FZD6: variants seen among roughly 807,000 people sequenced by gnomAD.
FZD6 encodes frizzled-6.
A neutral mutation model predicts 61.4 loss-of-function variants in FZD6; 49 were observed. That is an observed-to-expected ratio of 0.80 (90% CI 0.63 to 1.01). The LOEUF is 1.01. FZD6 is among the 50% of genes least tolerant of loss of function. FZD6 has a pLI of 0.00. For missense variants in FZD6, 724 were observed against 848.2 expected (o/e 0.85, Z 1.82); for synonymous variants, 265 against 292.2 (o/e 0.91, Z 0.95).
In FZD6 at chr8:103,302,601, G is replaced by T. The variant is rs188008545; in HGVS notation, c.177+2317G>T. On this transcript the variant is annotated intron_variant, in intron 2 of 6. Transcript: ENST00000358755. ...TGGACCATAATGTCATCTTTAACTG[G>T]TTTTTTTTTAGGCCCTTGTCCTGAT... Among the ~76,000 whole-genome samples the T allele has an allele frequency of 9.3e-5, 14 of 150,940 alleles. No individual in the cohort carries two copies. The East Asian group carries it at 2.7e-3, about 29-fold the overall frequency.
intron 2 of FZD6, among the ~76,000 whole-genome samples, chr8:103,310,398 C>T (rs996758673): frequency 2.0e-5 from 3 of 152,104 alleles, no homozygotes; most frequent in Non-Finnish European, 4.4e-5. Flanking sequence ...GCCCCGGAAG[C>T]AGCTGGGACT....
At chr8:103,317,777 G>A (rs2130308276) in intron 2 of FZD6, among the ~76,000 whole-genome samples, 1 of 149,594 alleles carries the variant, frequency 6.7e-6, no homozygotes, top group African/African-American at 2.5e-5. Context: ...GGTGAGCTGA[G>A]ATTATGCCAC....
chr8:103,330,950 G>A (rs1815102461), intron 6 of FZD6, among the ~76,000 whole-genome samples: 2 of 152,140 alleles, frequency 1.3e-5, no homozygotes, highest in Admixed American at 1.3e-4. Context: ...GGCCAAGGTG[G>A]GCAGATCACA....
chr8:103,330,953 A>G (rs1473051131), intron 6 of FZD6, among the ~76,000 whole-genome samples: 3 of 152,194 alleles, frequency 2.0e-5, no homozygotes, highest in Non-Finnish European at 4.4e-5. Flanking sequence ...CAAGGTGGGC[A>G]GATCACAAGG....
intron 2 of FZD6, among the ~76,000 whole-genome samples, chr8:103,311,219 T>C (rs1814487977): frequency 6.6e-6 from 1 of 152,210 alleles, no homozygotes; most frequent in Non-Finnish European, 1.5e-5. Flanking sequence ...CAAGGATTAC[T>C]GATCGCATTG....
At chr8:103,316,754 T>C (rs900772382) in intron 2 of FZD6, among the ~76,000 whole-genome samples, 17 of 152,216 alleles carry the variant, frequency 1.1e-4, no homozygotes, top group Admixed American at 2.0e-4. Context: ...TCTGTTTTTT[T>C]CCCCCCTCTG....
In FZD6 at chr8:103,328,960, T is replaced by C. The variant is rs1469335396; in HGVS notation, c.1541+544T>C. On this transcript the variant is annotated intron_variant, in intron 5 of 6. Transcript: ENST00000358755. ...CTTAAGATGTTAAAATTCAAACTTA[T>C]GGAATATTCTATAACAAAATTGATT... Among the ~76,000 whole-genome samples, 5 of 148,612 alleles carry C rather than the reference T, an allele frequency of 3.4e-5. No individual in the cohort carries two copies. The East Asian group carries it at 5.9e-4, about 17-fold the overall frequency.
chr8:103,312,051 T>C (rs374298521), intron 2 of FZD6, among the ~76,000 whole-genome samples: 1 of 152,232 alleles, frequency 6.6e-6, no homozygotes, highest in South Asian at 2.1e-4. Flanking sequence ...TGTATTTTGA[T>C]TCTCATTTTT....
chr8:103,299,436 C>T (rs1030615062), intron 1 of FZD6, among the ~76,000 whole-genome samples: 18 of 152,200 alleles, frequency 1.2e-4, no homozygotes, highest in Non-Finnish European at 7.3e-5. Context: ...CAATGTTGCT[C>T]CTCCACTGGA....
intron 2 of FZD6, among the ~76,000 whole-genome samples, chr8:103,309,800 T>C (rs1336244174): frequency 6.6e-6 from 1 of 152,218 alleles, no homozygotes; most frequent in Non-Finnish European, 1.5e-5. Context: ...CTAGAATCTC[T>C]GAGAAATAAC....
chr8:103,318,889 T>G, intron 3 of FZD6, 103 bp downstream of exon 3: 1 of 757,918 alleles, frequency 1.3e-6, no homozygotes, highest in Non-Finnish European at 2.4e-6. Flanking sequence ...TCCATAAATG[T>G]TTATTACACA....
intron 3 of FZD6, 131 bp from the exon 4 acceptor site, chr8:103,324,350 A>G (rs1814875316): frequency 9.9e-6 from 6 of 607,702 alleles, no homozygotes; most frequent in Admixed American, 3.1e-5. Context: ...TCTGTAATCC[A>G]TTTAGATTTG....
chr8:103,321,570 C>T (rs1379293826), intron 3 of FZD6, among the ~76,000 whole-genome samples: 1 of 152,160 alleles, frequency 6.6e-6, no homozygotes, highest in Non-Finnish European at 1.5e-5. Flanking sequence ...AACATGAAGG[C>T]TGCATCTATT....
Position 103,331,489 on chromosome 8 carries a change from G to T in FZD6, c.2101G>T (p.Gly701Cys), listed in dbSNP as rs1350106717. Residue 701 changes from glycine to cysteine, a missense_variant, in exon 7 of 7, where the codon GGT (glycine) becomes TGT (cysteine). Gly to Cys is a radical substitution (Grantham distance 159). Transcript: ENST00000358755. ...VSGVRKEQGG[G>C]CHSDT ...AGGAGTGAGAAAAGAGCAGGGAGGTGGTTGTCATTCAGATACTTGAAGAAC... is the reference window on the plus strand; with the variant it reads ...AGGAGTGAGAAAAGAGCAGGGAGGTTGTTGTCATTCAGATACTTGAAGAAC... 6.2e-7 allele frequency: 1 copy of T among 1,611,976 alleles called. No homozygotes were observed. The highest frequency in any genetic ancestry group is 2.2e-5 in the East Asian group (1 of 44,866).
chr8:103,315,563 G>A (rs576819906), intron 2 of FZD6, among the ~76,000 whole-genome samples: 11 of 152,262 alleles, frequency 7.2e-5, no homozygotes, highest in South Asian at 2.1e-4. Flanking sequence ...ATACCACTCC[G>A]CAGTGACAGA....
chr8:103,329,093 T>C (rs1248502345), intron 5 of FZD6, among the ~76,000 whole-genome samples: 1 of 148,264 alleles, frequency 6.7e-6, no homozygotes, highest in Non-Finnish European at 1.5e-5. Context: ...TTGGTTTGCT[T>C]AACTCATTTC....
intron 3 of FZD6, among the ~76,000 whole-genome samples, chr8:103,323,727 G>A (rs903531965): frequency 2.0e-5 from 3 of 152,082 alleles, no homozygotes; most frequent in Non-Finnish European, 4.4e-5. Context: ...CACCGTACCT[G>A]GCCAAAACCT....
At position 103,325,253 on chromosome 8, in the gene FZD6, C is replaced by G; in HGVS notation, c.1147C>G (p.Leu383Val). The G allele has an allele frequency of 6.2e-7, 1 of 1,614,144 alleles. No individual in the cohort carries two copies. Among genetic ancestry groups the G allele is most frequent in the Non-Finnish European group, 8.5e-7 (1 of 1,179,988 alleles). ...ACTGTGCCTTTGTGTGTTTGTTGGG[C>G]TCTCTCTTCTTTTAGCTGGCATTAT... ...LPLCLCVFVG[L>V]SLLLAGIISL... Residue 383 changes from leucine to valine, a missense_variant, in exon 4 of 7, where the codon CTC (leucine) becomes GTC (valine). By Grantham distance (32) the Leu-to-Val change is conservative. Coordinates refer to ENST00000358755, the MANE Select transcript of FZD6 (RefSeq NM_003506.4).
intron 4 of FZD6, among the ~76,000 whole-genome samples, chr8:103,326,701 A>T (rs1267626936): frequency 8.5e-6 from 1 of 117,148 alleles, no homozygotes; most frequent in Non-Finnish European, 1.8e-5. Context: ...TGACAAAAAA[A>T]AACAAACAAA....
Sources: gnomAD v4.1 joint callset for allele counts (sites outside exome capture counted in the v4.1 genomes callset) on GRCh38, gnomAD v4.1.1 for gene constraint, MANE v1.5 for transcripts, NCBI Gene and HGNC (gene_info 2026-07-23, HGNC 2026-07-21) for gene names.